TEAD1: variants seen among roughly 807,000 people sequenced by gnomAD.
The protein encoded by TEAD1 is TEA domain transcription factor 1.
Under a neutral mutation model 54.9 loss-of-function variants are expected in TEAD1, and 9 were observed. That is an observed-to-expected ratio of 0.16 (90% CI 0.10 to 0.29). The LOEUF is 0.29. TEAD1 is among the 10% of genes least tolerant of loss of function. The probability of loss-of-function intolerance (pLI) is 1.00; values close to 1 mark genes in which losing one functional copy is unlikely to be tolerated. For missense variants in TEAD1, 387 were observed against 535.9 expected (o/e 0.72, Z 2.74); for synonymous variants, 200 against 187.8 (o/e 1.07, Z -0.53).
At chr11:12,915,755 A>G (rs1201332997) in intron 10 of TEAD1, among the ~76,000 whole-genome samples, 4 of 152,202 alleles carry the variant, frequency 2.6e-5, no homozygotes. Context: ...GAGGCAGTAG[A>G]ATCTCTTGAA....
intron 3 of TEAD1, among the ~76,000 whole-genome samples, chr11:12,832,486 C>T (rs1456865102): frequency 1.3e-5 from 2 of 152,202 alleles, no homozygotes; most frequent in African/African-American, 2.4e-5. Context: ...TCTCCTCTTT[C>T]CATTAAGTTT....
intron 2 of TEAD1, among the ~76,000 whole-genome samples, chr11:12,719,565 C>A (rs1944136795): frequency 9.0e-6 from 1 of 110,644 alleles, no homozygotes; most frequent in African/African-American, 3.6e-5. Context: ...TCTTTCCAGT[C>A]CTTTTTTTTG....
At chr11:12,897,947 T>C (rs1342865108) in intron 9 of TEAD1, among the ~76,000 whole-genome samples, 1 of 152,170 alleles carries the variant, frequency 6.6e-6, no homozygotes, top group East Asian at 1.9e-4. Flanking sequence ...GATCCAAGTT[T>C]TATTAACTCC....
intron 2 of TEAD1, among the ~76,000 whole-genome samples, chr11:12,710,260 G>A (rs1339205211): frequency 1.3e-5 from 2 of 152,076 alleles, no homozygotes; most frequent in African/African-American, 4.8e-5. Context: ...AGAGGTCAAG[G>A]CTGCAGTGAG....
chr11:12,851,896 A>G (rs1050274581), intron 3 of TEAD1, among the ~76,000 whole-genome samples: 1 of 152,194 alleles, frequency 6.6e-6, no homozygotes, highest in African/African-American at 2.4e-5. Context: ...TGGAGCAGTC[A>G]CTATTCTAGG....
chr11:12,878,005 C>G (rs1393965258), intron 5 of TEAD1, among the ~76,000 whole-genome samples: 2 of 151,818 alleles, frequency 1.3e-5, no homozygotes, highest in African/African-American at 4.8e-5. Context: ...CAGGGTCTCT[C>G]TATGTAACCC....
chr11:12,780,491 G>C (rs761544071), intron 3 of TEAD1, among the ~76,000 whole-genome samples: 8 of 152,052 alleles, frequency 5.3e-5, no homozygotes, highest in South Asian at 2.1e-4. Flanking sequence ...TGATGCGCCT[G>C]CCTCGGTCTC....
At chr11:12,855,338 A>G (rs1003348178) in intron 3 of TEAD1, among the ~76,000 whole-genome samples, 1 of 151,078 alleles carries the variant, frequency 6.6e-6, no homozygotes, top group Non-Finnish European at 1.5e-5. Context: ...TCATCAGGCT[A>G]GAGTGCTGTG....
chr11:12,701,141 C>A (rs1055281914), intron 2 of TEAD1, among the ~76,000 whole-genome samples: 1 of 152,136 alleles, frequency 6.6e-6, no homozygotes, highest in African/African-American at 2.4e-5. Flanking sequence ...TTTAATAAAA[C>A]TGCATTTATC....
intron 2 of TEAD1, among the ~76,000 whole-genome samples, chr11:12,690,566 G>A (rs1203984142): frequency 6.6e-6 from 1 of 152,180 alleles, no homozygotes; most frequent in Non-Finnish European, 1.5e-5. Context: ...GGGAAATTTA[G>A]ATGTTGACAT....
chr11:12,916,179 T>C (rs2134149781), intron 10 of TEAD1, among the ~76,000 whole-genome samples: 1 of 152,316 alleles, frequency 6.6e-6, no homozygotes, highest in South Asian at 2.1e-4. Context: ...AAGAATTCTA[T>C]AACATGTCTA....
chr11:12,899,849 AG>A (rs1460867613), intron 9 of TEAD1, among the ~76,000 whole-genome samples: 1 of 152,176 alleles, frequency 6.6e-6, no homozygotes, highest in African/African-American at 2.4e-5. Flanking sequence ...CCTCTCCAAA[AG>A]ATACTGGCCT....
intron 10 of TEAD1, among the ~76,000 whole-genome samples, chr11:12,913,013 G>A (rs184042726): frequency 7.0e-4 from 107 of 152,274 alleles, no homozygotes; most frequent in Admixed American, 1.2e-3. Context: ...GCCACAATTA[G>A]CTTGATTCAT....
chr11:12,711,672 G>T (rs1468414112), intron 2 of TEAD1, among the ~76,000 whole-genome samples: 1 of 152,186 alleles, frequency 6.6e-6, no homozygotes, highest in Non-Finnish European at 1.5e-5. Flanking sequence ...TAGTAAACAG[G>T]CCCTTTACCC....
intron 2 of TEAD1, among the ~76,000 whole-genome samples, chr11:12,678,579 C>T (rs1261932738): frequency 6.6e-6 from 1 of 152,184 alleles, no homozygotes; most frequent in Non-Finnish European, 1.5e-5. Flanking sequence ...ACTTCATATT[C>T]ATGGTTGAGC....
At chr11:12,850,479 G>T (rs1947252220) in intron 3 of TEAD1, among the ~76,000 whole-genome samples, 1 of 152,210 alleles carries the variant, frequency 6.6e-6, no homozygotes, top group Non-Finnish European at 1.5e-5. Context: ...GAAGGTGCCA[G>T]AGCCTTCCCA....
chr11:12,862,026 T>C (rs1164750611), intron 3 of TEAD1, among the ~76,000 whole-genome samples: 1 of 151,698 alleles, frequency 6.6e-6, no homozygotes, highest in East Asian at 1.9e-4. Context: ...GATAAATTTC[T>C]ATTCTTAGAT....
chr11:12,789,789 G>C (rs529163946), intron 3 of TEAD1, among the ~76,000 whole-genome samples: 6 of 152,338 alleles, frequency 3.9e-5, no homozygotes, highest in African/African-American at 1.4e-4. Context: ...GCTGGGCTCA[G>C]CTGGGCCTGT....
chr11:12,790,983 T>C (rs1381890370), intron 3 of TEAD1, among the ~76,000 whole-genome samples: 1 of 152,254 alleles, frequency 6.6e-6, no homozygotes, highest in African/African-American at 2.4e-5. Flanking sequence ...AGAGCAATTC[T>C]ATTTCTAGGT....
Sources: gnomAD v4.1 joint callset for allele counts (sites outside exome capture counted in the v4.1 genomes callset) on GRCh38, gnomAD v4.1.1 for gene constraint, MANE v1.5 for transcripts, NCBI Gene and HGNC (gene_info 2026-07-23, HGNC 2026-07-21) for gene names.